Variants in SEL1L3 observed in about 807,000 individuals in gnomAD.
The protein encoded by SEL1L3 is protein sel-1 homolog 3.
In SEL1L3, 76 loss-of-function variants were observed where a neutral mutation model predicts 142.8. The ratio of observed to expected loss-of-function variants is 0.53; its 90% CI spans 0.44 to 0.64. The LOEUF is 0.64. Ranked by LOEUF, SEL1L3 falls within the 30% of genes least tolerant of loss-of-function variation. The pLI, the probability that SEL1L3 is intolerant of heterozygous loss-of-function variation, is 0.00. For missense variants in SEL1L3, 1,262 were observed against 1,381.7 expected, an observed-to-expected ratio of 0.91 and a Z score of 1.37; for synonymous variants, 504 against 519.6, an observed-to-expected ratio of 0.97 and a Z score of 0.41.
chr4:25,780,385 T>C (rs1719914588), intron 15 of SEL1L3, among the ~76,000 whole-genome samples: 2 of 152,144 alleles, frequency 1.3e-5, no homozygotes, highest in South Asian at 2.1e-4. Context: ...CCATTGAACA[T>C]TGCCCAGTGG....
At chr4:25,768,702 T>G (rs1718936481) in intron 17 of SEL1L3, among the ~76,000 whole-genome samples, 1 of 152,170 alleles carries the variant, frequency 6.6e-6, no homozygotes, top group Non-Finnish European at 1.5e-5. Flanking sequence ...AATCAGAGAC[T>G]AGTGAAATTA....
chr4:25,811,687 A>C (rs1271341116), intron 9 of SEL1L3, among the ~76,000 whole-genome samples: 1 of 152,154 alleles, frequency 6.6e-6, no homozygotes, highest in Non-Finnish European at 1.5e-5. Flanking sequence ...AACAAACAAA[A>C]AACAACAAAA....
At chr4:25,825,183 G>A (rs1473228731) in intron 6 of SEL1L3, among the ~76,000 whole-genome samples, 1 of 152,110 alleles carries the variant, frequency 6.6e-6, no homozygotes. Context: ...GGTCCCTAGG[G>A]CACTGAATCG....
At chr4:25,797,807 G>T (rs1032638486) in intron 11 of SEL1L3, among the ~76,000 whole-genome samples, 42 of 152,334 alleles carry the variant, frequency 2.8e-4, no homozygotes, top group African/African-American at 9.1e-4. Context: ...GTGAACAGAT[G>T]ACGTCCTTGC....
intron 2 of SEL1L3, among the ~76,000 whole-genome samples, 198 bp from the exon 3 acceptor site, chr4:25,835,521 A>C (rs1368182867): frequency 1.3e-5 from 2 of 152,248 alleles, no homozygotes; most frequent in Admixed American, 6.5e-5. Context: ...ATTACTTTTC[A>C]TAACAACTCT....
chr4:25,726,846 T>G, the SEL1L3 span, among the ~76,000 whole-genome samples: 1 of 152,156 alleles, frequency 6.6e-6, no homozygotes, highest in Non-Finnish European at 1.5e-5. Context: ...TACCACAGAC[T>G]GGGTGGCTTT....
the SEL1L3 span, among the ~76,000 whole-genome samples, chr4:25,722,413 G>C: frequency 2.6e-5 from 4 of 151,976 alleles, no homozygotes; most frequent in African/African-American, 9.7e-5. Context: ...TTTTGGTGTG[G>C]CATACTCTGA....
chr4:25,743,699 G>A (rs529546091), downstream of SEL1L3, among the ~76,000 whole-genome samples: 3 of 152,256 alleles, frequency 2.0e-5, no homozygotes, highest in Middle Eastern at 3.4e-3. Context: ...AATCAGATAC[G>A]CATTTATCTC....
chr4:25,744,459 T>A (rs895801375), downstream of SEL1L3, among the ~76,000 whole-genome samples: 5 of 150,240 alleles, frequency 3.3e-5, no homozygotes, highest in African/African-American at 1.2e-4. Context: ...GTTCAAGCGA[T>A]GCTCATGCCT....
At chr4:25,827,169 T>C (rs1490513769) in intron 6 of SEL1L3, among the ~76,000 whole-genome samples, 4 of 152,204 alleles carry the variant, frequency 2.6e-5, no homozygotes, top group African/African-American at 4.8e-5. Flanking sequence ...ATGTTACTTA[T>C]CATGATTACT....
At chr4:25,814,839 T>G (rs187530504) in intron 9 of SEL1L3, among the ~76,000 whole-genome samples, 1 of 151,780 alleles carries the variant, frequency 6.6e-6, no homozygotes, top group East Asian at 1.9e-4. Flanking sequence ...GGGTGCAACA[T>G]AAGACACCAG....
At chr4:25,779,287 G>T (rs1345904022) in intron 15 of SEL1L3, 84 bp from the exon 16 acceptor site, 1 of 1,481,728 alleles carries the variant, frequency 6.7e-7, no homozygotes, top group Non-Finnish European at 9.2e-7. Context: ...CTTTAAGCCT[G>T]ATATGATTAC....
chr4:25,796,502 C>T (rs1337209650), intron 11 of SEL1L3, among the ~76,000 whole-genome samples: 2 of 152,016 alleles, frequency 1.3e-5, no homozygotes, highest in South Asian at 2.1e-4. Flanking sequence ...AAACCTTAAT[C>T]AATACAGTAA....
At chr4:25,839,626 G>C (rs973846473) in intron 2 of SEL1L3, among the ~76,000 whole-genome samples, 1 of 152,168 alleles carries the variant, frequency 6.6e-6, no homozygotes, top group Non-Finnish European at 1.5e-5. Context: ...CTTAACGCTT[G>C]TATGTGCAGA....
chr4:25,861,278 G>A (rs1165371165), intron 1 of SEL1L3, among the ~76,000 whole-genome samples: 1 of 151,946 alleles, frequency 6.6e-6, no homozygotes, highest in East Asian at 1.9e-4. Context: ...TATCTCTTGG[G>A]CAAAAAAATA....
chr4:25,734,930 T>C, the SEL1L3 span, among the ~76,000 whole-genome samples: 1 of 152,190 alleles, frequency 6.6e-6, no homozygotes, highest in African/African-American at 2.4e-5. Flanking sequence ...TGTAATATTT[T>C]GTCTGATTTT....
At chr4:25,809,240 T>A (rs916436567) in intron 9 of SEL1L3, among the ~76,000 whole-genome samples, 2 of 151,548 alleles carry the variant, frequency 1.3e-5, no homozygotes, top group Admixed American at 6.6e-5. Flanking sequence ...ACCTCCCAGG[T>A]TCAAGCAATT....
intron 2 of SEL1L3, among the ~76,000 whole-genome samples, chr4:25,837,780 T>C (rs1715932008): frequency 6.6e-6 from 1 of 152,190 alleles, no homozygotes; most frequent in South Asian, 2.1e-4. Context: ...TTATTTATCC[T>C]ATATGTTATT....
chr4:25,841,132 A>G lies in SEL1L3; in HGVS notation c.734-5809T>C, dbSNP rs144632045. On this transcript the variant is annotated intron_variant, in intron 2 of 23. Transcript: ENST00000399878. ...ACTGCAGCCTCCATCTCCTGAATTCAAGCAATTCTCCCACCTCAGCCCCCC... is the reference window on the plus strand; with the variant it reads ...ACTGCAGCCTCCATCTCCTGAATTCGAGCAATTCTCCCACCTCAGCCCCCC... Among the ~76,000 whole-genome samples the G allele has an allele frequency of 2.4e-4, 37 of 151,860 alleles. No individual in the cohort carries two copies. The East Asian group carries it at 6.6e-3, about 27-fold the overall frequency.
Sources: gnomAD v4.1 joint callset for allele counts (sites outside exome capture counted in the v4.1 genomes callset) on GRCh38, gnomAD v4.1.1 for gene constraint, MANE v1.5 for transcripts, NCBI Gene and HGNC (gene_info 2026-07-23, HGNC 2026-07-21) for gene names.